SOX5: variants seen among roughly 807,000 people sequenced by gnomAD.
SOX5 encodes the protein transcription factor SOX-5.
Under a neutral mutation model 92.0 loss-of-function variants are expected in SOX5, and 9 were observed. That is an observed-to-expected ratio of 0.10 (90% confidence interval 0.06 to 0.17). The LOEUF (loss-of-function observed/expected upper bound fraction) is 0.17, where lower values mean the gene tolerates loss of function less well. SOX5 is among the 10% of genes least tolerant of loss of function. The pLI, the probability that SOX5 is intolerant of heterozygous loss-of-function variation, is 1.00. For synonymous variants in SOX5, 344 were observed against 336.3 expected, an observed-to-expected ratio of 1.02 and a Z score of -0.25; for missense variants, 642 against 944.5, an observed-to-expected ratio of 0.68 and a Z score of 4.20.
intron 6 of SOX5, among the ~76,000 whole-genome samples, chr12:23,698,164 T>C (rs1354700420): frequency 6.6e-6 from 1 of 152,046 alleles, no homozygotes; most frequent in Non-Finnish European, 1.5e-5. Flanking sequence ...TCTGTATAGA[T>C]GGTTTTTTTA....
At chr12:23,752,774 A>G (rs1168685965) in intron 4 of SOX5, among the ~76,000 whole-genome samples, 1 of 151,940 alleles carries the variant, frequency 6.6e-6, no homozygotes, top group African/African-American at 2.4e-5. Flanking sequence ...TTATAAGTAA[A>G]GAAGAAACAA....
intron 4 of SOX5, among the ~76,000 whole-genome samples, chr12:24,084,351 C>G (rs917396339): frequency 1.3e-5 from 2 of 151,968 alleles, no homozygotes; most frequent in Non-Finnish European, 2.9e-5. Flanking sequence ...ACTTAATTTC[C>G]TTAATATCAC....
intron 1 of SOX5, among the ~76,000 whole-genome samples, chr12:24,513,773 CAAT>C (rs916262337): frequency 2.0e-5 from 3 of 152,182 alleles, no homozygotes; most frequent in Non-Finnish European, 4.4e-5. Context: ...CACAGTGTCA[CAAT>C]AAGTTTGTCA....
At position 24,085,987 on chromosome 12, in the gene SOX5, C is replaced by T. The variant is rs149444585; in HGVS notation, c.-2+127356G>A. ...AAAAAAAAAAGTATTTGAAATTACA[C>T]TACAAATATTTTACTTGGTAGTAAA... On this transcript the variant is annotated intron_variant, in intron 4 of 4. Transcript: ENST00000446891. 3.0e-4 allele frequency among the ~76,000 whole-genome samples: 45 copies of T among 151,608 alleles called. No homozygotes were observed. The East Asian group carries it at 8.5e-3, about 29-fold the overall frequency.
At chr12:24,544,398 T>G (rs1952423272) in intron 1 of SOX5, among the ~76,000 whole-genome samples, 1 of 152,200 alleles carries the variant, frequency 6.6e-6, no homozygotes, top group Non-Finnish European at 1.5e-5. Flanking sequence ...TTAACTGATC[T>G]ATACATTGAT....
chr12:24,323,499 C>CT (rs941044649), intron 2 of SOX5, among the ~76,000 whole-genome samples: 26 of 151,770 alleles, frequency 1.7e-4, no homozygotes, highest in African/African-American at 6.0e-4. Flanking sequence ...AAAAAAGCAG[C>CT]TTTTTTATAA....
At chr12:24,011,670 T>C (rs985051012) in intron 4 of SOX5, among the ~76,000 whole-genome samples, 5 of 152,086 alleles carry the variant, frequency 3.3e-5, no homozygotes, top group Admixed American at 2.6e-4. Context: ...TTGACTGGAG[T>C]TAAAATCACC....
chr12:24,129,615 C>A (rs1380428132), intron 4 of SOX5, among the ~76,000 whole-genome samples: 1 of 152,112 alleles, frequency 6.6e-6, no homozygotes. Flanking sequence ...CTGGGGCTGC[C>A]AGCATCGCAA....
At chr12:24,517,596 C>T (rs1293880044) in intron 1 of SOX5, among the ~76,000 whole-genome samples, 4 of 152,084 alleles carry the variant, frequency 2.6e-5, no homozygotes. Context: ...TAATTAATGT[C>T]CTTAATGATT....
At chr12:24,503,300 G>A (rs992378570) in intron 1 of SOX5, among the ~76,000 whole-genome samples, 4 of 152,178 alleles carry the variant, frequency 2.6e-5, no homozygotes, top group Non-Finnish European at 5.9e-5. Context: ...GGGAGGCTGA[G>A]GCATGAGGGT....
chr12:24,073,339 C>T (rs1942050718), intron 4 of SOX5, among the ~76,000 whole-genome samples: 1 of 152,136 alleles, frequency 6.6e-6, no homozygotes, highest in Admixed American at 6.6e-5. Context: ...AACAAACAAA[C>T]ATAAAAACCG....
chr12:24,288,112 A>AACTGAGGGTGATTATG (rs1422883775), intron 2 of SOX5, among the ~76,000 whole-genome samples: 2 of 152,214 alleles, frequency 1.3e-5, no homozygotes, highest in African/African-American at 4.8e-5. Flanking sequence ...AGTGCTTCAC[A>AACTGAGGGTGATTATG]ACTGAGGGTG....
intron 7 of SOX5, among the ~76,000 whole-genome samples, chr12:23,648,337 ATTCC>A (rs2081135282): frequency 6.6e-6 from 1 of 152,200 alleles, no homozygotes; most frequent in Non-Finnish European, 1.5e-5. Context: ...AAAATGAGGT[ATTCC>A]TTTATGTGAA....
chr12:23,750,245 A>G (rs1316121509), intron 4 of SOX5, among the ~76,000 whole-genome samples: 1 of 151,982 alleles, frequency 6.6e-6, no homozygotes, highest in Non-Finnish European at 1.5e-5. Context: ...ATTTTTTCAT[A>G]TGTAAAATCA....
intron 2 of SOX5, among the ~76,000 whole-genome samples, chr12:24,288,640 C>T (rs1320839476): frequency 6.6e-6 from 1 of 152,080 alleles, no homozygotes; most frequent in Non-Finnish European, 1.5e-5. Flanking sequence ...CAGAATTACA[C>T]ATTTCAATAA....
intron 1 of SOX5, among the ~76,000 whole-genome samples, chr12:23,898,726 G>A (rs572873459): frequency 5.9e-5 from 9 of 152,290 alleles, no homozygotes; most frequent in South Asian, 2.1e-4. Flanking sequence ...ACGTGAAAGC[G>A]TCATGATGCC....
chr12:23,951,958 C>A (rs1173006774), upstream of SOX5, among the ~76,000 whole-genome samples: 3 of 151,986 alleles, frequency 2.0e-5, no homozygotes, highest in Non-Finnish European at 2.9e-5. Flanking sequence ...TTTTTCAGCC[C>A]TTAAGGGACC....
At chr12:24,298,261 G>T (rs540006810) in intron 2 of SOX5, among the ~76,000 whole-genome samples, 1 of 152,188 alleles carries the variant, frequency 6.6e-6, no homozygotes, top group South Asian at 2.1e-4. Flanking sequence ...GTCGAGAAAG[G>T]TTTTGCCATA....
At chr12:24,359,132 T>C (rs1046751890) in intron 2 of SOX5, among the ~76,000 whole-genome samples, 31 of 152,226 alleles carry the variant, frequency 2.0e-4, no homozygotes, top group Admixed American at 9.8e-4. Flanking sequence ...TCTCATATAT[T>C]TCAAAAGGAA....
Sources: gnomAD v4.1 joint callset for allele counts (sites outside exome capture counted in the v4.1 genomes callset) on GRCh38, gnomAD v4.1.1 for gene constraint, MANE v1.5 for transcripts, NCBI Gene and HGNC (gene_info 2026-07-23, HGNC 2026-07-21) for gene names.